The following PPP1R37 variants were observed in gnomAD, a reference collection of about 807,000 sequenced individuals.
PPP1R37 encodes the protein leucine rich repeat containing 68.
Under a neutral mutation model 61.0 loss-of-function variants are expected in PPP1R37, and 21 were observed. The ratio of observed to expected loss-of-function variants is 0.34; its 90% confidence interval spans 0.24 to 0.50. The LOEUF (loss-of-function observed/expected upper bound fraction) is 0.50. Among genes scored for constraint, PPP1R37 ranks in the 20% least tolerant of loss-of-function variants. The pLI, the probability that PPP1R37 is intolerant of heterozygous loss-of-function variation, is 0.98. For synonymous variants in PPP1R37, 443 were observed against 433.5 expected (o/e 1.02, Z -0.27); for missense variants, 910 against 952.7 (o/e 0.96, Z 0.59).
chr19:45,135,228 A>G (rs1456478577), intron 1 of PPP1R37, among the ~76,000 whole-genome samples: 1 of 152,026 alleles, frequency 6.6e-6, no homozygotes, highest in Non-Finnish European at 1.5e-5. Context: ...AGCCTGGGCG[A>G]CAGAGTGAAA....
chr19:45,127,357 A>G (rs1968419089), intron 1 of PPP1R37, among the ~76,000 whole-genome samples: 1 of 138,910 alleles, frequency 7.2e-6, no homozygotes, highest in Admixed American at 6.8e-5. Flanking sequence ...CATCTCAAAA[A>G]AAAAAAAAAA....
intron 1 of PPP1R37, among the ~76,000 whole-genome samples, chr19:45,126,296 C>A (rs1028610315): frequency 6.6e-6 from 1 of 152,198 alleles, no homozygotes; most frequent in African/African-American, 2.4e-5. Context: ...TTCTGGAGGG[C>A]AGGGACAGGG....
chr19:45,139,335 C>T (rs1028112780), intron 2 of PPP1R37, among the ~76,000 whole-genome samples: 11 of 152,264 alleles, frequency 7.2e-5, no homozygotes, highest in African/African-American at 2.7e-4. Context: ...GCCCCCTCCT[C>T]GGGAACCCCC....
chr19:45,127,871 A>T, intron 1 of PPP1R37, among the ~76,000 whole-genome samples: 1 of 150,032 alleles, frequency 6.7e-6, no homozygotes. Flanking sequence ...TCTACTAGGG[A>T]GGCTGAGGCA....
chr19:45,146,291 C>A, intron 11 of PPP1R37, 99 bp from the exon 12 acceptor site: 3 of 1,133,768 alleles, frequency 2.6e-6, no homozygotes, highest in Non-Finnish European at 3.7e-6. Context: ...GGTCTCTGGG[C>A]ACTCTGCAGG....
At position 45,121,799 on chromosome 19, in the gene PPP1R37, GC is replaced by G. The variant is rs1175799345; in HGVS notation, c.203-16711del. On this transcript the variant is annotated intron_variant, in intron 1 of 12. Coordinates refer to ENST00000221462, the MANE Select transcript of PPP1R37 (RefSeq NM_019121.2). The surrounding 1 kb of genome is among the most constrained non-coding windows in gnomAD (Gnocchi z 4.2). The stretch of plus-strand genomic sequence containing the variant: ...TGACTACATATCAGGCTGCCCTGGG[GC>G]CCCTTTCAGTAAAGATACTCCCCTG... Among the ~76,000 whole-genome samples the G allele has an allele frequency of 6.6e-6, 1 of 152,204 alleles. No homozygotes were observed. Among genetic ancestry groups the G allele is most frequent in the African/African-American group, 2.4e-5 (1 of 41,448 alleles).
chr19:45,119,296 A>G (rs1968309861), intron 1 of PPP1R37, among the ~76,000 whole-genome samples: 2 of 152,230 alleles, frequency 1.3e-5, no homozygotes, highest in South Asian at 2.1e-4. Flanking sequence ...CTGGGATTAC[A>G]GGCATGTGTC....
At chr19:45,102,890 C>T (rs1379227025) in intron 1 of PPP1R37, among the ~76,000 whole-genome samples, 1 of 152,222 alleles carries the variant, frequency 6.6e-6, no homozygotes, top group Non-Finnish European at 1.5e-5. Context: ...ACGTCAGGCT[C>T]CTGGGCTGGA....
intron 1 of PPP1R37, among the ~76,000 whole-genome samples, chr19:45,134,037 T>C (rs544353424): frequency 6.6e-6 from 1 of 152,350 alleles, no homozygotes; most frequent in East Asian, 1.9e-4. Flanking sequence ...ATTTTCTTCT[T>C]AGCCACCTCC....
At chr19:45,135,366 G>A (rs903323792) in intron 1 of PPP1R37, among the ~76,000 whole-genome samples, 2 of 152,254 alleles carry the variant, frequency 1.3e-5, no homozygotes. Context: ...CGCCCCAGCG[G>A]TGCCCACCCC....
chr19:45,140,125 C>T, intron 2 of PPP1R37, 111 bp from the exon 3 acceptor site: 1 of 973,014 alleles, frequency 1.0e-6, no homozygotes, highest in Non-Finnish European at 1.6e-6. Context: ...GTGCCTTCGC[C>T]CAAACCCCAC....
At chr19:45,127,974 C>CAAAAAAA (rs35001139) in intron 1 of PPP1R37, among the ~76,000 whole-genome samples, 1 of 61,896 alleles carries the variant, frequency 1.6e-5, no homozygotes. Context: ...GACTCCATCT[C>CAAAAAAA]AAAAAAAAAA....
chr19:45,145,348 C>T lies in PPP1R37; in HGVS notation c.1297-5C>T. The T allele has an allele frequency of 5.2e-6, 8 of 1,533,220 alleles. No individual in the cohort carries two copies. Among genetic ancestry groups the T allele is most frequent in the Admixed American group, 2.0e-5 (1 of 50,690 alleles). The allele number at this position is 1,533,220 out of a possible 1,614,324, so 95.0% of individuals were successfully genotyped here. Reference sequence around the variant, plus strand: ...GAGAGCCCTAGCCAGGCGCTCCCGCCACAGGTGAAGAGCTTCATCGAGACG... The same window carrying T: ...GAGAGCCCTAGCCAGGCGCTCCCGCTACAGGTGAAGAGCTTCATCGAGACG... On this transcript the variant is annotated splice_region_variant and splice_polypyrimidine_tract_variant and intron_variant, in intron 10 of 12. Coordinates refer to ENST00000221462, the MANE Select transcript of PPP1R37 (RefSeq NM_019121.2).
At chr19:45,142,624 G>T (rs1307701809) in intron 7 of PPP1R37, 166 bp downstream of exon 7, 7 of 716,636 alleles carry the variant, frequency 9.8e-6, no homozygotes, top group Non-Finnish European at 1.6e-5. Context: ...TGACAACCTA[G>T]AGTGGGCAGG....
intron 1 of PPP1R37, chr19:45,128,914 A>G (rs900448521): frequency 2.8e-6 from 2 of 711,316 alleles, no homozygotes; most frequent in Non-Finnish European, 5.1e-6. Flanking sequence ...TTCGTCTGCC[A>G]GAGGAGACCT....
intron 7 of PPP1R37, chr19:45,143,236 A>T (rs1197289786): frequency 2.9e-6 from 1 of 349,080 alleles, no homozygotes; most frequent in Non-Finnish European, 5.4e-6. Context: ...GACAGTGGTG[A>T]CTGTGGGTGG....
chr19:45,115,570 T>C (rs1319135634), intron 1 of PPP1R37, among the ~76,000 whole-genome samples: 1 of 151,562 alleles, frequency 6.6e-6, no homozygotes, highest in East Asian at 1.9e-4. Context: ...GTGGCCTCAG[T>C]TTCCCCATTT....
In PPP1R37 at chr19:45,128,527, A is replaced by G. The variant is rs1968436672; in HGVS notation, c.203-9987A>G. ...GGTTTGCAGCGAGAAGACAAGGTTG[A>G]GTCAGTGTGTTTGCGAGAGCTGGAA... On this transcript the variant is annotated intron_variant, in intron 1 of 12. Transcript: ENST00000221462. 2.7e-6 allele frequency: 3 copies of G among 1,109,950 alleles called. No homozygotes were observed. In the South Asian group the frequency reaches 4.0e-5, roughly 15 times the overall value. The allele number at this position is 1,109,950 out of a possible 1,614,324, so 68.8% of individuals were successfully genotyped here. A position where few individuals can be genotyped will look rare whatever the true frequency, so the allele number is the denominator to read the frequency against.
At chr19:45,141,555 T>C in intron 5 of PPP1R37, 114 bp downstream of exon 5, 2 of 1,333,396 alleles carry the variant, frequency 1.5e-6, no homozygotes, top group Non-Finnish European at 2.0e-6. Flanking sequence ...GTGTGGGCTG[T>C]TGTGGGGATG....
Sources: allele counts gnomAD v4.1 joint callset (sites outside exome capture counted in the v4.1 genomes callset), GRCh38; gene constraint gnomAD v4.1.1; non-coding constraint Gnocchi (gnomAD v3.1); transcripts MANE v1.5; gene names NCBI Gene and HGNC (gene_info 2026-07-23, HGNC 2026-07-21).